The following ADGRB3 variants were observed in gnomAD, a reference collection of about 807,000 sequenced individuals.
ADGRB3 encodes the protein brain-specific angiogenesis inhibitor 3.
ADGRB3 carries 37 observed loss-of-function variants against 193.4 expected under a neutral mutation model. The observed-to-expected ratio is 0.19, with a 90% confidence interval of 0.15 to 0.25. The LOEUF (loss-of-function observed/expected upper bound fraction) is 0.25. Ranked by LOEUF, ADGRB3 falls within the 10% of genes least tolerant of loss-of-function variation. The pLI is 1.00. For synonymous variants in ADGRB3, 690 were observed against 644.2 expected (o/e 1.07, Z -1.08); for missense variants, 1,637 against 1,852.9 (o/e 0.88, Z 2.14).
At chr6:68,880,743 G>T (rs1765710034) in intron 3 of ADGRB3, among the ~76,000 whole-genome samples, 1 of 149,688 alleles carries the variant, frequency 6.7e-6, no homozygotes, top group African/African-American at 2.5e-5. Context: ...CAGGAAAAAA[G>T]CCAACAGAGC....
chr6:69,008,900 T>C (rs1769851584), intron 11 of ADGRB3, among the ~76,000 whole-genome samples: 1 of 152,122 alleles, frequency 6.6e-6, no homozygotes, highest in African/African-American at 2.4e-5. Context: ...TCTGTAAAAA[T>C]AAGTGTCATC....
chr6:68,736,836 GGTCACTAATAATGACAACTATTA>G (rs1251519875), intron 3 of ADGRB3, among the ~76,000 whole-genome samples: 1 of 151,520 alleles, frequency 6.6e-6, no homozygotes, highest in Non-Finnish European at 1.5e-5. Context: ...CTAGAAGCTG[GGTCACTAATAATGACAACTATTA>G]GTCACTACTA....
chr6:69,052,907 C>G (rs915219298), intron 15 of ADGRB3, among the ~76,000 whole-genome samples: 2 of 152,070 alleles, frequency 1.3e-5, no homozygotes, highest in Non-Finnish European at 2.9e-5. Context: ...ATGGATGGGC[C>G]AGGCATGGTG....
At chr6:68,865,995 C>A (rs1307208033) in intron 3 of ADGRB3, among the ~76,000 whole-genome samples, 1 of 152,130 alleles carries the variant, frequency 6.6e-6, no homozygotes, top group Non-Finnish European at 1.5e-5. Flanking sequence ...AGACAGAGAT[C>A]AGAGTGGTTC....
Position 68,974,857 on chromosome 6 carries a change from T to G in ADGRB3, c.1620T>G (p.Asn540Lys). 6.2e-7 allele frequency: 1 copy of G among 1,613,584 alleles called. No individual in the cohort carries two copies. The highest frequency in any genetic ancestry group is 8.5e-7 in the Non-Finnish European group (1 of 1,179,560). ...GDLAFNQCPL[N>K]ATGTTSRRCS... ...TGGCATTCAATCAATGTCCCCTGAA[T>G]GCCACAGGTACAGTAGGATGACCCA... Residue 540 changes from asparagine to lysine, a missense_variant, in exon 9 of 32, where the codon AAT becomes AAG. By Grantham distance (94) the Asn-to-Lys change is moderately conservative. Coordinates refer to ENST00000370598, the MANE Select transcript of ADGRB3 (RefSeq NM_001704.3).
chr6:69,326,400 TA>T (rs1355250732), intron 21 of ADGRB3, among the ~76,000 whole-genome samples: 1 of 152,108 alleles, frequency 6.6e-6, no homozygotes, highest in Non-Finnish European at 1.5e-5. Context: ...AGAATACAGG[TA>T]AAAGAACACA....
At chr6:68,685,978 A>G (rs1457695519) in intron 3 of ADGRB3, among the ~76,000 whole-genome samples, 1 of 152,194 alleles carries the variant, frequency 6.6e-6, no homozygotes, top group Admixed American at 6.5e-5. Flanking sequence ...CCATTCCTAC[A>G]GAACTGAGTG....
chr6:69,011,289 G>A (rs1033025899), intron 11 of ADGRB3, among the ~76,000 whole-genome samples: 3 of 151,858 alleles, frequency 2.0e-5, no homozygotes, highest in African/African-American at 7.3e-5. Context: ...GGAATATTAT[G>A]CAGCCATTAA....
At chr6:69,097,788 A>C (rs540462592) in intron 17 of ADGRB3, among the ~76,000 whole-genome samples, 26 of 152,268 alleles carry the variant, frequency 1.7e-4, no homozygotes, top group African/African-American at 5.3e-4. Context: ...GTGATTCCTA[A>C]AATTATTTTA....
chr6:68,636,954 A>G (rs1767973704), intron 1 of ADGRB3, among the ~76,000 whole-genome samples: 1 of 114,126 alleles, frequency 8.8e-6, no homozygotes, highest in African/African-American at 3.4e-5. Flanking sequence ...GCAAAGTGCA[A>G]CACCAAAAAA....
At chr6:68,723,166 A>G (rs759864686) in intron 3 of ADGRB3, among the ~76,000 whole-genome samples, 1 of 151,806 alleles carries the variant, frequency 6.6e-6, no homozygotes, top group Non-Finnish European at 1.5e-5. Context: ...ATTTATGAAA[A>G]CATAATATGA....
intron 8 of ADGRB3, among the ~76,000 whole-genome samples, chr6:68,965,190 A>T (rs1394734241): frequency 6.6e-6 from 1 of 152,164 alleles, no homozygotes; most frequent in Non-Finnish European, 1.5e-5. Context: ...GATTAAAACC[A>T]TTTCCTATAT....
At chr6:69,322,815 A>C (rs1156358270) in intron 20 of ADGRB3, among the ~76,000 whole-genome samples, 1 of 151,972 alleles carries the variant, frequency 6.6e-6, no homozygotes, top group Admixed American at 6.6e-5. Context: ...TTACCTCCAT[A>C]CTTGGAGCAA....
At chr6:69,323,239 C>A (rs569789818) in intron 20 of ADGRB3, among the ~76,000 whole-genome samples, 66 of 151,740 alleles carry the variant, frequency 4.3e-4, no homozygotes, top group Non-Finnish European at 8.4e-4. Context: ...TTGAAACAAA[C>A]GTGGAGGAAA....
intron 3 of ADGRB3, among the ~76,000 whole-genome samples, chr6:68,905,190 G>A (rs1044900078): frequency 6.6e-6 from 1 of 152,060 alleles, no homozygotes; most frequent in East Asian, 1.9e-4. Context: ...GTCCCCAAAA[G>A]TATATCCAAA....
intron 20 of ADGRB3, 82 bp from the exon 21 acceptor site, chr6:69,324,790 G>A (rs975483530): frequency 6.9e-7 from 1 of 1,447,268 alleles, no homozygotes; most frequent in Non-Finnish European, 9.4e-7. Context: ...CAATGAATCA[G>A]AGATTAACAA....
At chr6:69,270,043 A>C (rs2127278658) in intron 20 of ADGRB3, among the ~76,000 whole-genome samples, 1 of 152,262 alleles carries the variant, frequency 6.6e-6, no homozygotes, top group African/African-American at 2.4e-5. Context: ...GGCTCATCAG[A>C]GTTGCAGGCA....
At chr6:68,715,718 A>G (rs1765478500) in intron 3 of ADGRB3, among the ~76,000 whole-genome samples, 1 of 151,872 alleles carries the variant, frequency 6.6e-6, no homozygotes, top group Non-Finnish European at 1.5e-5. Flanking sequence ...GCTAATTCTT[A>G]TCCTAACTTT....
chr6:69,386,887 G>A (rs1373392361), intron 31 of ADGRB3, among the ~76,000 whole-genome samples: 1 of 152,020 alleles, frequency 6.6e-6, no homozygotes, highest in African/African-American at 2.4e-5. Context: ...CTGGATGATA[G>A]ATATAAATAT....
Sources: gnomAD v4.1 joint callset for allele counts (sites outside exome capture counted in the v4.1 genomes callset) on GRCh38, gnomAD v4.1.1 for gene constraint, MANE v1.5 for transcripts, NCBI Gene and HGNC (gene_info 2026-07-23, HGNC 2026-07-21) for gene names.